Variants in DCC observed in about 807,000 individuals in gnomAD.
The protein encoded by DCC is netrin receptor DCC.
A neutral mutation model predicts 172.5 loss-of-function variants in DCC; 58 were observed. The observed-to-expected ratio is 0.34, with a 90% confidence interval of 0.27 to 0.42. The LOEUF is 0.42. DCC is among the 10% of genes least tolerant of loss of function. The probability of loss-of-function intolerance (pLI) is 1.00; values close to 1 mark genes in which losing one functional copy is unlikely to be tolerated. For missense variants in DCC, 1,740 were observed against 1,791.0 expected (o/e 0.97, Z 0.51); for synonymous variants, 709 against 644.5 (o/e 1.10, Z -1.52).
At chr18:52,535,894 T>TGTTACACA (rs1413644424) in intron 1 of DCC, among the ~76,000 whole-genome samples, 2 of 152,024 alleles carry the variant, frequency 1.3e-5, no homozygotes, top group Non-Finnish European at 2.9e-5. Flanking sequence ...CAGTGCAGAG[T>TGTTACACA]GCTCAAGGCT....
intron 8 of DCC, among the ~76,000 whole-genome samples, chr18:53,173,532 C>G (rs184973296): frequency 0.01 from 1,527 of 152,088 alleles, 17 homozygotes; most frequent in African/African-American, 0.027. Flanking sequence ...TGCAATCCTA[C>G]TCTCTGATAA....
chr18:52,741,227 G>C (rs565294580), intron 1 of DCC, among the ~76,000 whole-genome samples: 13 of 152,142 alleles, frequency 8.5e-5, no homozygotes, highest in African/African-American at 2.2e-4. Context: ...TTTAAAAATG[G>C]GTCCTGAATA....
intron 13 of DCC, among the ~76,000 whole-genome samples, chr18:53,314,828 T>C (rs1158640704): frequency 6.6e-6 from 1 of 152,130 alleles, no homozygotes; most frequent in Non-Finnish European, 1.5e-5. Flanking sequence ...CCTGCAGATG[T>C]AATAGAAAGG....
intron 2 of DCC, among the ~76,000 whole-genome samples, chr18:52,805,811 AG>A (rs2038074153): frequency 6.6e-6 from 1 of 152,208 alleles, no homozygotes. Context: ...GGGCAACTTG[AG>A]GATCTAAGAC....
chr18:52,790,472 C>T (rs1455092250), intron 2 of DCC, among the ~76,000 whole-genome samples: 1 of 152,106 alleles, frequency 6.6e-6, no homozygotes, highest in African/African-American at 2.4e-5. Context: ...AATTTCTACC[C>T]TTTTGCTGGC....
rs192600981 is a variant in DCC at position 52,607,001 on chromosome 18, C to T, written c.92-145053C>T. Among the ~76,000 whole-genome samples the T allele has an allele frequency of 8.1e-4, 124 of 152,226 alleles. 2 individuals carry two copies. The highest frequency in any genetic ancestry group is 4.6e-3 in the East Asian group (24 of 5,180). ...CTTTGTATGAATCTATACATTTTCA[C>T]GCATGTTGAAATGCTAAAGGTCATT... On this transcript the variant is annotated intron_variant, in intron 1 of 28. Coordinates refer to ENST00000442544, the MANE Select transcript of DCC (RefSeq NM_005215.4).
chr18:53,272,277 C>G (rs2056758103), intron 12 of DCC, among the ~76,000 whole-genome samples: 1 of 151,940 alleles, frequency 6.6e-6, no homozygotes, highest in South Asian at 2.1e-4. Flanking sequence ...GCCTATTTTC[C>G]ACATCTAAAA....
In DCC at chr18:52,590,881, T is replaced by A. The variant is rs2033783972; in HGVS notation, c.92-161173T>A. ...TGTATGTTGCTTTTCTTTTTCCTAGTTAAAAGACCATTAAGCTATTAGAGT... is the reference window on the plus strand; with the variant it reads ...TGTATGTTGCTTTTCTTTTTCCTAGATAAAAGACCATTAAGCTATTAGAGT... On this transcript the variant is annotated intron_variant, in intron 1 of 28. Transcript: ENST00000442544. 2.0e-5 allele frequency among the ~76,000 whole-genome samples: 3 copies of A among 152,348 alleles called. No individual in the cohort carries two copies. The South Asian group carries it at 6.2e-4, about 32-fold the overall frequency.
At chr18:52,892,672 TATATC>T in intron 2 of DCC, 1 of 152,166 alleles carries the variant, frequency 6.6e-6, no homozygotes, top group South Asian at 2.1e-4. Context: ...GAGTGGCTAT[TATATC>T]ATGTTATTCT....
At chr18:52,720,135 A>G (rs2036451225) in intron 1 of DCC, among the ~76,000 whole-genome samples, 1 of 152,098 alleles carries the variant, frequency 6.6e-6, no homozygotes. Flanking sequence ...CATTAGAAAC[A>G]TATTCCTGCT....
chr18:52,940,028 C>T (rs762162465), intron 5 of DCC, among the ~76,000 whole-genome samples: 2 of 152,182 alleles, frequency 1.3e-5, no homozygotes, highest in Non-Finnish European at 2.9e-5. Context: ...TCACTGGCCT[C>T]ACCTCAGCCT....
chr18:52,935,080 C>CT lies in DCC; in HGVS notation c.985+9716dup, dbSNP rs1309860445. 2.6e-5 allele frequency among the ~76,000 whole-genome samples: 4 copies of CT among 152,180 alleles called. No individual in the cohort carries two copies. The East Asian group carries it at 5.8e-4, about 22-fold the overall frequency. On this transcript the variant is annotated intron_variant, in intron 5 of 28. Transcript: ENST00000442544. ...ACAACTGCTAAAAAGATTCTTTGGT[C>CT]TTTTTTATCAAAAGTGAGCAACAAT...
At chr18:53,001,977 A>G (rs1422308881) in intron 5 of DCC, among the ~76,000 whole-genome samples, 1 of 152,272 alleles carries the variant, frequency 6.6e-6, no homozygotes, top group East Asian at 1.9e-4. Flanking sequence ...AATAAAAAAT[A>G]CTTACTTTCA....
intron 1 of DCC, among the ~76,000 whole-genome samples, chr18:52,552,062 T>C (rs1253793713): frequency 6.6e-6 from 1 of 152,018 alleles, no homozygotes; most frequent in Non-Finnish European, 1.5e-5. Context: ...AAATAAATCA[T>C]TGAAACAAGT....
intron 2 of DCC, among the ~76,000 whole-genome samples, chr18:52,846,708 G>A (rs971815054): frequency 8.6e-5 from 13 of 151,264 alleles, no homozygotes; most frequent in Admixed American, 7.9e-4. Context: ...CAGAAATGGT[G>A]TGTCAGGTCT....
intron 1 of DCC, among the ~76,000 whole-genome samples, chr18:52,456,534 A>G (rs1262852095): frequency 6.6e-6 from 1 of 152,218 alleles, no homozygotes; most frequent in East Asian, 1.9e-4. Flanking sequence ...GTTATACAAT[A>G]TAGTTTAACT....
intron 2 of DCC, among the ~76,000 whole-genome samples, chr18:52,782,204 C>G (rs1053992298): frequency 2.6e-5 from 4 of 151,956 alleles, no homozygotes; most frequent in African/African-American, 9.7e-5. Context: ...TTCAAAGGAC[C>G]CCTATATAGT....
intron 28 of DCC, among the ~76,000 whole-genome samples, chr18:53,527,494 T>C (rs556082872): frequency 6.6e-6 from 1 of 151,948 alleles, no homozygotes; most frequent in East Asian, 1.9e-4. Flanking sequence ...ACCAGAAATA[T>C]AGATTTGTGA....
intron 1 of DCC, among the ~76,000 whole-genome samples, chr18:52,535,539 C>G (rs2032264131): frequency 6.6e-6 from 1 of 152,116 alleles, no homozygotes; most frequent in African/African-American, 2.4e-5. Flanking sequence ...CATTTTATAA[C>G]TAGACGTGTA....
Sources: gnomAD v4.1 joint callset for allele counts (sites outside exome capture counted in the v4.1 genomes callset) on GRCh38, gnomAD v4.1.1 for gene constraint, MANE v1.5 for transcripts, NCBI Gene and HGNC (gene_info 2026-07-23, HGNC 2026-07-21) for gene names.